SLC2A9: variants seen among roughly 807,000 people sequenced by gnomAD.
SLC2A9 encodes solute carrier family 2, facilitated glucose transporter member 9.
A neutral mutation model predicts 50.6 loss-of-function variants in SLC2A9; 39 were observed. The observed-to-expected ratio is 0.77, with a 90% CI of 0.60 to 1.01. The LOEUF is 1.01. Ranked by LOEUF, SLC2A9 falls within the 50% of genes least tolerant of loss-of-function variation. The pLI, the probability that SLC2A9 is intolerant of heterozygous loss-of-function variation, is 0.00. For synonymous variants in SLC2A9, 324 were observed against 276.9 expected (o/e 1.17, Z -1.69); for missense variants, 686 against 677.6 (o/e 1.01, Z -0.14).
intron 5 of SLC2A9, among the ~76,000 whole-genome samples, chr4:9,965,577 T>C (rs1471840128): frequency 1.3e-5 from 2 of 152,222 alleles, no homozygotes; most frequent in African/African-American, 4.8e-5. Context: ...AAGAAACTTA[T>C]GGATGACCTT....
intron 1 of SLC2A9, among the ~76,000 whole-genome samples, chr4:10,020,755 C>T (rs1763406715): frequency 6.6e-6 from 1 of 152,216 alleles, no homozygotes; most frequent in Non-Finnish European, 1.5e-5. Context: ...ACAAACTCCT[C>T]CCTGGTCTGC....
chr4:9,895,352 C>T (rs1393048924), intron 8 of SLC2A9, among the ~76,000 whole-genome samples: 4 of 152,236 alleles, frequency 2.6e-5, no homozygotes, highest in Non-Finnish European at 5.9e-5. Context: ...AGTCTCCCGG[C>T]TCTGTTCTTC....
chr4:9,792,536 G>A (rs1365850298), intron 3 of SLC2A9, among the ~76,000 whole-genome samples: 1 of 152,008 alleles, frequency 6.6e-6, no homozygotes, highest in Non-Finnish European at 1.5e-5. Flanking sequence ...TAACATTGTT[G>A]CTAAAGAGTT....
At chr4:9,794,282 G>A (rs558620758), downstream of SLC2A9, among the ~76,000 whole-genome samples, 1 of 152,168 alleles carries the variant, frequency 6.6e-6, no homozygotes, top group East Asian at 1.9e-4. Context: ...AGCCTCCCGC[G>A]TAGCTGGGAT....
Position 9,977,498 on chromosome 4 carries a change from C to T in SLC2A9, c.681+3094G>A, listed in dbSNP as rs371723473. On this transcript the variant is annotated intron_variant, in intron 5 of 11. Transcript: ENST00000264784. ...GTGCTCATTTACAGCATAGGTGTGG[C>T]CCTCTCTGCTGCCTGCCTTGCCAGC... 1.5e-3 allele frequency among the ~76,000 whole-genome samples: 231 copies of T among 151,876 alleles called. 6 individuals are homozygous for T. In the South Asian group the frequency reaches 0.043, roughly 28 times the overall value.
intron 2 of SLC2A9, among the ~76,000 whole-genome samples, chr4:10,003,766 T>G (rs1227784269): frequency 1.3e-5 from 2 of 152,312 alleles, no homozygotes; most frequent in East Asian, 3.9e-4. Flanking sequence ...TGATACAGAA[T>G]GGGTGCTTAA....
intron 10 of SLC2A9, among the ~76,000 whole-genome samples, chr4:9,868,303 G>A (rs1732843194): frequency 1.3e-5 from 2 of 152,230 alleles, no homozygotes; most frequent in Non-Finnish European, 2.9e-5. Context: ...GTGCAGCCTG[G>A]TGCCTTCACT....
chr4:9,866,132 T>C (rs1299079932), intron 10 of SLC2A9, among the ~76,000 whole-genome samples: 3 of 152,156 alleles, frequency 2.0e-5, no homozygotes, highest in African/African-American at 7.2e-5. Context: ...CCGTTACTTA[T>C]TCCCCAGCTT....
rs1448632663 is a variant in SLC2A9 at position 10,002,459 on chromosome 4, T to G, written c.250-5518A>C. Among the ~76,000 whole-genome samples the G allele has an allele frequency of 4.6e-5, 7 of 152,160 alleles. No individual in the cohort carries two copies. The East Asian group carries it at 9.6e-4, about 21-fold the overall frequency. On this transcript the variant is annotated intron_variant, in intron 2 of 11. Transcript: ENST00000264784. ...GCTTTTGTGGTGGAGCTGCCAAACT[T>G]CAGGGCACAAATACAACTGCTCCAC...
chr4:9,906,653 G>A (rs767004776), intron 8 of SLC2A9, among the ~76,000 whole-genome samples: 7 of 152,092 alleles, frequency 4.6e-5, no homozygotes, highest in East Asian at 1.9e-4. Flanking sequence ...CTATTTTTCC[G>A]AATTTTACAA....
At chr4:9,933,880 C>A (rs144404649) in intron 6 of SLC2A9, among the ~76,000 whole-genome samples, 1 of 152,316 alleles carries the variant, frequency 6.6e-6, no homozygotes, top group African/African-American at 2.4e-5. Context: ...TGCCAGCAAC[C>A]TTGGGCCAAC....
intron 5 of SLC2A9, among the ~76,000 whole-genome samples, chr4:9,963,986 GT>G (rs1252289301): frequency 1.3e-5 from 2 of 152,146 alleles, no homozygotes; most frequent in Non-Finnish European, 2.9e-5. Flanking sequence ...AGGTGGAGGG[GT>G]GGATGGGTGG....
intron 5 of SLC2A9, among the ~76,000 whole-genome samples, chr4:9,976,373 C>T (rs1429793006): frequency 1.3e-5 from 2 of 152,074 alleles, no homozygotes. Context: ...TTCAAAGCTT[C>T]GTTGTCTCAG....
At chr4:9,893,059 C>T (rs375766506) in intron 8 of SLC2A9, among the ~76,000 whole-genome samples, 2 of 152,300 alleles carry the variant, frequency 1.3e-5, no homozygotes, top group East Asian at 3.9e-4. Context: ...TGGTAAGTGG[C>T]AAAGCTGGGA....
downstream of SLC2A9, among the ~76,000 whole-genome samples, chr4:9,795,179 A>C (rs1359913276): frequency 6.6e-6 from 1 of 151,570 alleles, no homozygotes; most frequent in South Asian, 2.1e-4. Flanking sequence ...CTCAGCTAGC[A>C]TTTTTGTATT....
chr4:9,964,877 T>C (rs1399483133), intron 5 of SLC2A9, among the ~76,000 whole-genome samples: 56 of 152,164 alleles, frequency 3.7e-4, no homozygotes, highest in Non-Finnish European at 1.0e-4. Flanking sequence ...AGAGAAATTA[T>C]GGGCTGCAAA....
Position 9,847,318 on chromosome 4 carries a change from C to T in SLC2A9, c.1292-12310G>A, listed in dbSNP as rs537914073. On this transcript the variant is annotated intron_variant, in intron 10 of 11. Coordinates refer to ENST00000264784, the MANE Select transcript of SLC2A9 (RefSeq NM_020041.3). ...TGGAGCAGGGGAGAGAAAGTGAAGGCGGAGATGTCATACACTTTTAAACCA... is the reference window on the plus strand; with the variant it reads ...TGGAGCAGGGGAGAGAAAGTGAAGGTGGAGATGTCATACACTTTTAAACCA... Among the ~76,000 whole-genome samples, 77 of 152,258 alleles carry T rather than the reference C, an allele frequency of 5.1e-4. 3 individuals carry two copies. Among genetic ancestry groups the T allele is most frequent in the East Asian group, 1.4e-3 (7 of 5,184 alleles).
intron 8 of SLC2A9, among the ~76,000 whole-genome samples, chr4:9,904,939 C>T (rs1360639976): frequency 6.6e-6 from 1 of 152,206 alleles, no homozygotes; most frequent in Non-Finnish European, 1.5e-5. Flanking sequence ...GGACAGACTA[C>T]CCAATGCACT....
intron 11 of SLC2A9, among the ~76,000 whole-genome samples, chr4:9,829,740 T>A (rs1361519931): frequency 6.6e-6 from 1 of 151,940 alleles, no homozygotes; most frequent in Admixed American, 6.6e-5. Context: ...GACATTCATA[T>A]GGCCAAAAAA....
Sources: gnomAD v4.1 joint callset for allele counts (sites outside exome capture counted in the v4.1 genomes callset) on GRCh38, gnomAD v4.1.1 for gene constraint, MANE v1.5 for transcripts, NCBI Gene and HGNC (gene_info 2026-07-23, HGNC 2026-07-21) for gene names.